The following PCDH11X variants were observed in gnomAD, a reference collection of about 807,000 sequenced individuals.
The protein encoded by PCDH11X is protocadherin 11 X-linked, also known as protocadherin-11 X-linked.
Under a neutral mutation model 53.3 loss-of-function variants are expected in PCDH11X, and 18 were observed. The observed-to-expected ratio is 0.34, with a 90% CI of 0.23 to 0.50. The LOEUF is 0.50. PCDH11X is among the 20% of genes least tolerant of loss of function. PCDH11X has a pLI of 0.98. For synonymous variants in PCDH11X, 279 were observed against 393.3 expected (o/e 0.71, Z 3.44); for missense variants, 570 against 1,032.4 (o/e 0.55, Z 6.14).
intron 7 of PCDH11X, among the ~76,000 whole-genome samples, chrX:92,228,663 GGAA>G (rs59798015): frequency 0.18 from 19,390 of 110,492 alleles, 1,366 homozygotes; most frequent in Admixed American, 0.29. Context: ...TAGGGCTTTT[GGAA>G]AGACTAAGTT....
At chrX:92,223,256 C>G (rs2066913516) in intron 7 of PCDH11X, among the ~76,000 whole-genome samples, 1 of 111,898 alleles carries the variant, frequency 8.9e-6, no homozygotes, top group Non-Finnish European at 1.9e-5. Flanking sequence ...TCTCCTTTCC[C>G]AATCAGTGCT....
intron 6 of PCDH11X, among the ~76,000 whole-genome samples, chrX:92,029,780 C>G (rs2063019560): frequency 9.0e-6 from 1 of 111,362 alleles, no homozygotes; most frequent in South Asian, 3.7e-4. Flanking sequence ...AGAAATGTTG[C>G]TTAATGAACA....
chrX:92,404,719 C>G (rs1321549378), intron 9 of PCDH11X, among the ~76,000 whole-genome samples: 4 of 105,776 alleles, frequency 3.8e-5, no homozygotes, highest in African/African-American at 1.4e-4. Context: ...TTGCAACTTA[C>G]CTCCTTCCTG....
intron 10 of PCDH11X, among the ~76,000 whole-genome samples, chrX:92,479,397 C>G (rs1035276176): frequency 8.5e-4 from 93 of 109,157 alleles, no homozygotes; most frequent in Admixed American, 6.9e-4. Context: ...TTGATTCTAT[C>G]ATCATCATGT....
rs868446452 is a variant in PCDH11X at position 92,321,185 on chromosome X, T to G, written c.3144+58042T>G. ...CAGTATCTGTGAGCTGAACTGTAAG[T>G]TTTTTTTTGTTTTTTTTTTTTTTTT... On this transcript the variant is annotated intron_variant, in intron 8 of 10. Coordinates refer to ENST00000682573, the MANE Select transcript of PCDH11X (RefSeq NM_032968.5). 2.6e-3 allele frequency among the ~76,000 whole-genome samples: 220 copies of G among 84,897 alleles called. 2 individuals are homozygous for G. The highest frequency in any genetic ancestry group is 0.011 in the African/African-American group (207 of 19,614). 73.7% of individuals were successfully genotyped at this position (84,897 alleles called of 115,157 possible).
intron 10 of PCDH11X, among the ~76,000 whole-genome samples, chrX:92,577,251 C>CT (rs1226935849): frequency 1.8e-5 from 2 of 110,075 alleles, no homozygotes; most frequent in African/African-American, 3.3e-5. Context: ...AGAGATTCAA[C>CT]TTTTTTCTGG....
chrX:91,924,482 T>C (rs1255787790), intron 6 of PCDH11X, among the ~76,000 whole-genome samples: 3 of 111,954 alleles, frequency 2.7e-5, no homozygotes, highest in Non-Finnish European at 3.8e-5. Context: ...TTGTATTGTG[T>C]TAAGCCACTA....
At chrX:92,189,523 A>G (rs140735946) in intron 6 of PCDH11X, among the ~76,000 whole-genome samples, 1,375 of 111,741 alleles carry the variant, frequency 0.012, 15 homozygotes, top group African/African-American at 0.043. Flanking sequence ...TGCAATGAAC[A>G]TACATGTGCA....
chrX:92,006,483 G>T (rs1276606582), intron 6 of PCDH11X, among the ~76,000 whole-genome samples: 1 of 109,863 alleles, frequency 9.1e-6, no homozygotes, highest in East Asian at 2.9e-4. Flanking sequence ...TCTTTGTTCA[G>T]TTTATCAGAT....
chrX:92,375,140 A>ATT (rs2070709610), intron 8 of PCDH11X, among the ~76,000 whole-genome samples: 1 of 24,358 alleles, frequency 4.1e-5, no homozygotes, highest in Non-Finnish European at 8.1e-5. Context: ...CATTCCATTC[A>ATT]TTTATATATA....
At chrX:92,286,053 T>C (rs1054630701) in intron 8 of PCDH11X, among the ~76,000 whole-genome samples, 2 of 111,798 alleles carry the variant, frequency 1.8e-5, no homozygotes, top group Non-Finnish European at 3.8e-5. Flanking sequence ...GCCAGGTGTT[T>C]CTTGCCCTCA....
intron 8 of PCDH11X, among the ~76,000 whole-genome samples, chrX:92,361,556 C>G (rs1473417462): frequency 9.0e-6 from 1 of 111,235 alleles, no homozygotes; most frequent in African/African-American, 3.3e-5. Flanking sequence ...TTGAAAATCC[C>G]TGATTCATTA....
At chrX:92,091,292 A>G (rs1183333334) in intron 6 of PCDH11X, among the ~76,000 whole-genome samples, 1 of 110,313 alleles carries the variant, frequency 9.1e-6, no homozygotes, top group Non-Finnish European at 1.9e-5. Context: ...CATTCTAACA[A>G]CTGTTTGCAT....
chrX:92,242,941 G>A (rs62600695), intron 7 of PCDH11X, among the ~76,000 whole-genome samples: 14,863 of 110,674 alleles, frequency 0.13, 1,613 homozygotes, highest in African/African-American at 0.36. Context: ...AGTTTTGTCC[G>A]TGTTCTGACT....
At chrX:92,594,642 A>C (rs73247375) in intron 10 of PCDH11X, among the ~76,000 whole-genome samples, 2,210 of 109,723 alleles carry the variant, frequency 0.02, 36 homozygotes, top group Middle Eastern at 0.038. Flanking sequence ...ATAATCAGCT[A>C]TAGGACTCTG....
chrX:91,989,017 C>A (rs1206452273), intron 6 of PCDH11X, among the ~76,000 whole-genome samples: 1 of 110,958 alleles, frequency 9.0e-6, no homozygotes, highest in African/African-American at 3.3e-5. Context: ...CTCTCCATCA[C>A]CTTCACTATC....
chrX:92,255,667 C>T (rs965208536), intron 7 of PCDH11X, among the ~76,000 whole-genome samples: 12 of 110,923 alleles, frequency 1.1e-4, no homozygotes, highest in Non-Finnish European at 2.1e-4. Context: ...ACAGACAGGA[C>T]CCTCAGCTGC....
intron 7 of PCDH11X, among the ~76,000 whole-genome samples, chrX:92,244,624 G>A (rs892879053): frequency 2.7e-5 from 3 of 111,615 alleles, no homozygotes; most frequent in Admixed American, 9.6e-5. Flanking sequence ...GCTTTACTGT[G>A]TTAACTCAAT....
rs1242925700 is a variant in PCDH11X, at chrX:92,246,531, T to C, written c.3115-16583T>C. Among the ~76,000 whole-genome samples the C allele has an allele frequency of 4.5e-5, 5 of 110,737 alleles. No individual in the cohort carries two copies. The East Asian group carries it at 1.1e-3, about 25-fold the overall frequency. ...CATGCCTGGCTAATTTTTGTATTTTTAGTAGAGACGGGGTTTCGCCATGTT... is the reference window on the plus strand; with the variant it reads ...CATGCCTGGCTAATTTTTGTATTTTCAGTAGAGACGGGGTTTCGCCATGTT... On this transcript the variant is annotated intron_variant, in intron 7 of 10. Coordinates refer to ENST00000682573, the MANE Select transcript of PCDH11X (RefSeq NM_032968.5).
Sources: allele counts gnomAD v4.1 joint callset (sites outside exome capture counted in the v4.1 genomes callset), GRCh38; gene constraint gnomAD v4.1.1; transcripts MANE v1.5; gene names NCBI Gene and HGNC (gene_info 2026-07-23, HGNC 2026-07-21).